The following PIK3C2G variants were observed in gnomAD, a reference collection of about 807,000 sequenced individuals.
PIK3C2G encodes the protein phosphatidylinositol 3-kinase C2 domain-containing subunit gamma.
Under a neutral mutation model 181.1 loss-of-function variants are expected in PIK3C2G, and 168 were observed. The ratio of observed to expected loss-of-function variants is 0.93; its 90% CI spans 0.82 to 1.05. The LOEUF (loss-of-function observed/expected upper bound fraction) is 1.05, where lower values mean the gene tolerates loss of function less well. Among genes scored for constraint, PIK3C2G ranks in the 50% least tolerant of loss-of-function variants. The pLI, the probability that PIK3C2G is intolerant of heterozygous loss-of-function variation, is 0.00. For synonymous variants in PIK3C2G, 573 were observed against 592.2 expected (o/e 0.97, Z 0.47); for missense variants, 1,869 against 1,732.8 (o/e 1.08, Z -1.40).
chr12:18,418,210 G>A lies in PIK3C2G; in HGVS notation c.2316-2731G>A, dbSNP rs541611635. The stretch of plus-strand genomic sequence containing the variant: ...ATACACACTGTCATATCTTAAGTGG[G>A]AGTCAACCAGTCAATATCCTTGGCT... On this transcript the variant is annotated intron_variant, in intron 16 of 32. Transcript: ENST00000538779. 9.9e-5 allele frequency among the ~76,000 whole-genome samples: 15 copies of A among 152,246 alleles called. No individual in the cohort carries two copies. In the South Asian group the frequency reaches 1.0e-3, roughly 11 times the overall value.
intron 8 of PIK3C2G, among the ~76,000 whole-genome samples, chr12:18,327,618 T>C (rs2137515416): frequency 6.6e-6 from 1 of 152,188 alleles, no homozygotes; most frequent in South Asian, 2.1e-4. Context: ...TGGACATTTT[T>C]TCCTCTCTTC....
intron 9 of PIK3C2G, among the ~76,000 whole-genome samples, chr12:18,339,436 T>C (rs571269814): frequency 6.6e-6 from 1 of 152,192 alleles, no homozygotes; most frequent in South Asian, 2.1e-4. Context: ...TGTGTGTGTG[T>C]ACAGAGAATT....
chr12:18,297,678 A>C (rs944748900), intron 5 of PIK3C2G, among the ~76,000 whole-genome samples: 1 of 151,826 alleles, frequency 6.6e-6, no homozygotes, highest in Non-Finnish European at 1.5e-5. Flanking sequence ...ACCTCTCTTC[A>C]TCCTCTCCCC....
At chr12:18,324,929 T>C (rs1951268747) in intron 7 of PIK3C2G, 106 bp from the exon 8 acceptor site, 1 of 617,942 alleles carries the variant, frequency 1.6e-6, no homozygotes, top group Non-Finnish European at 2.9e-6. Flanking sequence ...ATACCATGCC[T>C]ACGATAGTAT....
At chr12:18,286,174 C>CA (rs1477528546) in intron 2 of PIK3C2G, among the ~76,000 whole-genome samples, 1 of 151,854 alleles carries the variant, frequency 6.6e-6, no homozygotes, top group Non-Finnish European at 1.5e-5. Flanking sequence ...ACGCATAAGG[C>CA]AAAAATGGTT....
chr12:18,349,715 C>CTCAT (rs1940031197), intron 11 of PIK3C2G, among the ~76,000 whole-genome samples: 7 of 152,032 alleles, frequency 4.6e-5, no homozygotes, highest in Non-Finnish European at 8.8e-5. Context: ...ATAAATTTAT[C>CTCAT]GTTTTGTGTA....
chr12:18,524,228 A>AAGTC (rs1324599837), intron 24 of PIK3C2G, among the ~76,000 whole-genome samples: 2 of 152,178 alleles, frequency 1.3e-5, no homozygotes, highest in Non-Finnish European at 2.9e-5. Flanking sequence ...TAGAAACTGC[A>AAGTC]AGTCCAGGGA....
In PIK3C2G at chr12:18,501,352, A is replaced by G. The variant is rs563354007; in HGVS notation, c.3017-1929A>G. Reference sequence around the variant, plus strand: ...ATGGGGTACCTGCTAAACATTAATAAAACCATCAAATCTTGTGAGAACTCA... The same window carrying G: ...ATGGGGTACCTGCTAAACATTAATAGAACCATCAAATCTTGTGAGAACTCA... On this transcript the variant is annotated intron_variant, in intron 22 of 32. Transcript: ENST00000538779. Among the ~76,000 whole-genome samples the G allele has an allele frequency of 3.9e-5, 6 of 152,260 alleles. No individual in the cohort carries two copies. In the South Asian group the frequency reaches 1.2e-3, roughly 32 times the overall value.
At chr12:18,553,932 C>T (rs1944866436) in intron 26 of PIK3C2G, among the ~76,000 whole-genome samples, 1 of 151,826 alleles carries the variant, frequency 6.6e-6, no homozygotes, top group African/African-American at 2.4e-5. Context: ...AAGACTTTTC[C>T]TACTTTATCT....
the PIK3C2G span, among the ~76,000 whole-genome samples, chr12:18,686,704 A>G: frequency 6.6e-6 from 1 of 152,052 alleles, no homozygotes; most frequent in Non-Finnish European, 1.5e-5. Flanking sequence ...TCTAAATCAT[A>G]ATTATTTTAC....
intron 13 of PIK3C2G, 44 bp from the exon 14 acceptor site, chr12:18,381,722 A>T (rs754071248): frequency 1.8e-6 from 2 of 1,111,468 alleles, no homozygotes; most frequent in South Asian, 2.5e-5. Flanking sequence ...AACTTCCCTC[A>T]TGAAGTGACT....
chr12:18,479,270 C>T (rs1005158198), intron 18 of PIK3C2G, among the ~76,000 whole-genome samples: 2 of 151,918 alleles, frequency 1.3e-5, no homozygotes, highest in South Asian at 2.1e-4. Flanking sequence ...GAAAACAGGG[C>T]AGGAAGGTGG....
intron 24 of PIK3C2G, among the ~76,000 whole-genome samples, chr12:18,527,842 G>A (rs959137860): frequency 1.3e-5 from 2 of 152,112 alleles, no homozygotes; most frequent in African/African-American, 4.8e-5. Flanking sequence ...TAAGAGAGAT[G>A]CTGTATTTGA....
intron 29 of PIK3C2G, among the ~76,000 whole-genome samples, chr12:18,574,264 T>C (rs1046282521): frequency 1.3e-5 from 2 of 152,202 alleles, no homozygotes; most frequent in African/African-American, 4.8e-5. Flanking sequence ...TTTTTGCGTT[T>C]TGATGTAAGA....
intron 5 of PIK3C2G, among the ~76,000 whole-genome samples, chr12:18,302,843 G>A (rs1437031034): frequency 3.3e-5 from 5 of 152,074 alleles, no homozygotes; most frequent in South Asian, 4.2e-4. Flanking sequence ...CCAGCCCCAC[G>A]GATATGTTTG....
chr12:18,442,996 C>T (rs1258830869), intron 18 of PIK3C2G, among the ~76,000 whole-genome samples: 31 of 152,020 alleles, frequency 2.0e-4, no homozygotes, highest in Admixed American at 2.0e-3. Flanking sequence ...CTCAGCCTCC[C>T]ACGTAGCTGG....
At chr12:18,378,854 G>T (rs913832842) in intron 13 of PIK3C2G, among the ~76,000 whole-genome samples, 8 of 152,154 alleles carry the variant, frequency 5.3e-5, no homozygotes, top group African/African-American at 1.7e-4. Flanking sequence ...CATTAAAAAG[G>T]CAGGAAACAA....
the PIK3C2G span, among the ~76,000 whole-genome samples, chr12:18,700,512 C>CAAAAAAA: frequency 0.31 from 20,702 of 67,808 alleles, 5,825 homozygotes; most frequent in East Asian, 0.46. Flanking sequence ...AGCCAACGTA[C>CAAAAAAA]AAAAAAAAAA....
chr12:18,656,467 G>C, the PIK3C2G span, among the ~76,000 whole-genome samples: 1 of 152,174 alleles, frequency 6.6e-6, no homozygotes, highest in Non-Finnish European at 1.5e-5. Flanking sequence ...TTGGAAGGCT[G>C]AGGCAGAGAA....
Sources: gnomAD v4.1 joint callset for allele counts (sites outside exome capture counted in the v4.1 genomes callset) on GRCh38, gnomAD v4.1.1 for gene constraint, MANE v1.5 for transcripts, NCBI Gene and HGNC (gene_info 2026-07-23, HGNC 2026-07-21) for gene names.